Variants in FRMD4A observed in about 807,000 individuals in gnomAD.
FRMD4A encodes FERM domain containing 4A.
Under a neutral mutation model 129.1 loss-of-function variants are expected in FRMD4A, and 29 were observed. That is an observed-to-expected ratio of 0.22 (90% CI 0.17 to 0.31). FRMD4A has a LOEUF of 0.31. Among genes scored for constraint, FRMD4A ranks in the 10% least tolerant of loss-of-function variants. The pLI is 1.00. For missense variants in FRMD4A, 1,272 were observed against 1,375.8 expected (o/e 0.92, Z 1.19); for synonymous variants, 634 against 571.6 (o/e 1.11, Z -1.56).
intron 4 of FRMD4A, among the ~76,000 whole-genome samples, chr10:13,798,461 A>G (rs1342679125): frequency 2.0e-5 from 3 of 152,184 alleles, no homozygotes; most frequent in Non-Finnish European, 4.4e-5. Context: ...GTACGCCTGT[A>G]ATCCCCACAC....
intron 2 of FRMD4A, among the ~76,000 whole-genome samples, chr10:14,169,446 T>G (rs541549379): frequency 6.6e-6 from 1 of 152,280 alleles, no homozygotes; most frequent in Admixed American, 6.5e-5. Flanking sequence ...CACACCCTTT[T>G]CCTATGGTGG....
intron 5 of FRMD4A, among the ~76,000 whole-genome samples, chr10:13,793,189 T>A (rs2093041138): frequency 6.8e-6 from 1 of 148,038 alleles, no homozygotes; most frequent in East Asian, 2.0e-4. Flanking sequence ...TTTTTTTTTG[T>A]GAGATGGGGT....
rs1589228243 is a variant in FRMD4A, at chr10:13,657,000, G to T, written c.2589C>A (p.Val863=). 1 of 1,566,228 alleles carries T rather than the reference G, an allele frequency of 6.4e-7. No homozygotes were observed. Among genetic ancestry groups the T allele is most frequent in the Non-Finnish European group, 8.6e-7 (1 of 1,163,318 alleles). ...AGTTGGACGTCTTGAACTGAGCCTT[G>T]ACGCTGTAGTGGCCCTCCTGGTCGC... The part of the protein sequence containing the change: ...LESDQEGHYS[V]KAQFKTSNSY... Residue 863 remains valine, a synonymous_variant, in exon 22 of 25, where the codon GTC becomes GTA. Coordinates refer to ENST00000357447, the MANE Select transcript of FRMD4A (RefSeq NM_018027.5).
At chr10:13,829,686 C>G (rs2093759513) in intron 3 of FRMD4A, among the ~76,000 whole-genome samples, 2 of 152,144 alleles carry the variant, frequency 1.3e-5, no homozygotes, top group Admixed American at 6.6e-5. Context: ...CACTGGAAAC[C>G]TCTATTTGTA....
chr10:13,659,882 T>C (rs1305307334), intron 20 of FRMD4A, among the ~76,000 whole-genome samples: 2 of 151,648 alleles, frequency 1.3e-5, no homozygotes, highest in Non-Finnish European at 2.9e-5. Flanking sequence ...AAAACCTCCC[T>C]ACAAAGTCAG....
intron 2 of FRMD4A, among the ~76,000 whole-genome samples, chr10:14,277,208 C>G (rs1260888777): frequency 6.6e-6 from 1 of 152,110 alleles, no homozygotes; most frequent in Non-Finnish European, 1.5e-5. Flanking sequence ...TCAGAAGAAG[C>G]CCTCACAGTA....
intron 2 of FRMD4A, among the ~76,000 whole-genome samples, chr10:14,040,353 G>A (rs1038481222): frequency 6.6e-6 from 1 of 152,104 alleles, no homozygotes; most frequent in Non-Finnish European, 1.5e-5. Flanking sequence ...GGTAAGAAGT[G>A]TGTGTAGCAG....
At position 13,902,456 on chromosome 10, in the gene FRMD4A, G is replaced by GGAGAGAGAGAGAGAGAGAGAGAGA. The variant is rs140040052; in HGVS notation, c.46-43568_46-43545dup. ...GAAATTGATGGTTAGGCAAAATACT[G>GGAGAGAGAGAGAGAGAGAGAGAGA]GAGAGAGAGAGAGAGAGAGAGAGAG... On this transcript the variant is annotated intron_variant, in intron 2 of 24. Coordinates refer to ENST00000357447, the MANE Select transcript of FRMD4A (RefSeq NM_018027.5). 1.2e-3 allele frequency among the ~76,000 whole-genome samples: 158 copies of GGAGAGAGAGAGAGAGAGAGAGAGA among 127,758 alleles called. 4 individuals carry two copies. Among genetic ancestry groups the GGAGAGAGAGAGAGAGAGAGAGAGA allele is most frequent in the South Asian group, 4.6e-3 (16 of 3,452 alleles). The allele number at this position is 127,758 out of a possible 152,430, so 83.8% of individuals were successfully genotyped here. A position where few individuals can be genotyped will look rare whatever the true frequency, so the allele number is the denominator to read the frequency against.
At chr10:13,824,674 C>T (rs2093675834) in intron 3 of FRMD4A, among the ~76,000 whole-genome samples, 1 of 151,940 alleles carries the variant, frequency 6.6e-6, no homozygotes, top group South Asian at 2.1e-4. Context: ...GTGTGGAACA[C>T]TTGAGGTCAT....
At chr10:13,782,783 T>C (rs2092769468) in intron 6 of FRMD4A, 139 bp downstream of exon 6, 1 of 655,796 alleles carries the variant, frequency 1.5e-6, no homozygotes, top group African/African-American at 1.8e-5. Context: ...TTCATAACAT[T>C]CCATTTATTT....
intron 19 of FRMD4A, 141 bp from the exon 20 acceptor site, chr10:13,660,694 A>C: frequency 1.7e-6 from 1 of 591,366 alleles, no homozygotes; most frequent in Non-Finnish European, 3.0e-6. Flanking sequence ...GAAACCCTGA[A>C]ACTCTTCCCC....
rs113113142 is a variant in FRMD4A at position 13,964,068 on chromosome 10, A to T, written c.46-105156T>A. Among the ~76,000 whole-genome samples the T allele has an allele frequency of 7.9e-3, 1,204 of 151,944 alleles. 18 individuals are homozygous for T. Among genetic ancestry groups the T allele is most frequent in the African/African-American group, 0.027 (1,134 of 41,404 alleles). ...TGCCCTGTGACCCTCAACACAGCCA[A>T]CCCAGAACCAGAGAGGAGAGGACCA... On this transcript the variant is annotated intron_variant, in intron 2 of 24. Transcript: ENST00000357447.
intron 2 of FRMD4A, among the ~76,000 whole-genome samples, chr10:13,973,767 C>T (rs1228243596): frequency 6.7e-6 from 1 of 149,162 alleles, no homozygotes; most frequent in Non-Finnish European, 1.5e-5. Context: ...AGGAGGAAGG[C>T]AGGGAGGGAG....
intron 2 of FRMD4A, among the ~76,000 whole-genome samples, chr10:14,206,663 C>T (rs950685336): frequency 1.1e-4 from 16 of 151,494 alleles, no homozygotes; most frequent in Non-Finnish European, 1.8e-4. Context: ...AAAAATTAGC[C>T]GGGCGTGGTG....
At chr10:14,300,001 TGATTTCCCAAGGAACAAATTTCTCC>T (rs1389382514) in intron 2 of FRMD4A, among the ~76,000 whole-genome samples, 1 of 151,896 alleles carries the variant, frequency 6.6e-6, no homozygotes, top group Non-Finnish European at 1.5e-5. Flanking sequence ...GGCTGAAGAA[TGATTTCCCAAGGAACAAATTTCTCC>T]CCAGAATCCA....
intron 2 of FRMD4A, among the ~76,000 whole-genome samples, chr10:13,914,840 A>AC (rs2094982023): frequency 6.6e-6 from 1 of 152,114 alleles, no homozygotes; most frequent in South Asian, 2.1e-4. Flanking sequence ...ACAGAGTGAG[A>AC]CCCCATCTCT....
intron 2 of FRMD4A, among the ~76,000 whole-genome samples, chr10:14,319,030 G>A (rs904409289): frequency 5.9e-5 from 9 of 152,238 alleles, no homozygotes; most frequent in Middle Eastern, 3.4e-3. Flanking sequence ...ATTTTGAGGT[G>A]GCCCACATCA....
intron 2 of FRMD4A, among the ~76,000 whole-genome samples, chr10:14,296,983 A>G (rs184674782): frequency 5.3e-4 from 81 of 152,286 alleles, no homozygotes; most frequent in African/African-American, 1.9e-3. Flanking sequence ...ACAGCTTCTC[A>G]ATACTTCTCA....
intron 17 of FRMD4A, chr10:13,668,366 T>G (rs1325063999): frequency 2.0e-5 from 3 of 152,214 alleles, no homozygotes; most frequent in African/African-American, 7.2e-5. Context: ...AGACACTGAT[T>G]CAGAGTTTTG....
Sources: allele counts gnomAD v4.1 joint callset (sites outside exome capture counted in the v4.1 genomes callset), GRCh38; gene constraint gnomAD v4.1.1; transcripts MANE v1.5; gene names NCBI Gene and HGNC (gene_info 2026-07-23, HGNC 2026-07-21).